Variants in INPP5D observed in about 807,000 individuals in gnomAD.
The protein encoded by INPP5D is inositol polyphosphate-5-phosphatase D.
In INPP5D, 33 loss-of-function variants were observed where a neutral mutation model predicts 122.9. The observed-to-expected ratio is 0.27, with a 90% CI of 0.20 to 0.36. INPP5D has a LOEUF of 0.36. Ranked by LOEUF, INPP5D falls within the 10% of genes least tolerant of loss-of-function variation. The pLI, the probability that INPP5D is intolerant of heterozygous loss-of-function variation, is 1.00. For missense variants in INPP5D, 1,053 were observed against 1,412.7 expected, an observed-to-expected ratio of 0.75 and a Z score of 4.08; for synonymous variants, 584 against 576.2, an observed-to-expected ratio of 1.01 and a Z score of -0.19.
intron 2 of INPP5D, among the ~76,000 whole-genome samples, chr2:233,099,464 G>A (rs953813338): frequency 6.6e-6 from 1 of 152,172 alleles, no homozygotes; most frequent in Non-Finnish European, 1.5e-5. Context: ...CAGCACAGAC[G>A]CCTATGTCTG....
intron 2 of INPP5D, among the ~76,000 whole-genome samples, chr2:233,104,954 C>T (rs1044545316): frequency 6.6e-6 from 1 of 152,162 alleles, no homozygotes; most frequent in African/African-American, 2.4e-5. Context: ...GGCCTGATCT[C>T]ACAGGAGCTG....
chr2:233,183,526 C>T lies in INPP5D; in HGVS notation c.2162-882C>T, dbSNP rs1023435076. 2.0e-5 allele frequency among the ~76,000 whole-genome samples: 3 copies of T among 152,192 alleles called. No homozygotes were observed. Among genetic ancestry groups the T allele is most frequent in the Non-Finnish European group, 2.9e-5 (2 of 68,034 alleles). On this transcript the variant is annotated intron_variant, in intron 19 of 26. Transcript: ENST00000445964. The surrounding 1 kb of genome is among the most constrained non-coding windows in gnomAD (Gnocchi z 4.6). The stretch of plus-strand genomic sequence containing the variant: ...CCTAGTCCTTAGGCAGGACCTCTTC[C>T]CCGACTTCCACCCATCTCTCCTTTC...
chr2:233,114,203 C>A (rs1279658944), intron 2 of INPP5D, among the ~76,000 whole-genome samples: 1 of 152,194 alleles, frequency 6.6e-6, no homozygotes, highest in African/African-American at 2.4e-5. Context: ...CCACCGCACC[C>A]AGCCAGCTCC....
At chr2:233,069,290 T>C (rs892711425) in intron 1 of INPP5D, among the ~76,000 whole-genome samples, 1 of 152,198 alleles carries the variant, frequency 6.6e-6, no homozygotes, top group Non-Finnish European at 1.5e-5. Context: ...ACCACACAGC[T>C]GTCAGTGGCA....
rs551021423 is a variant in INPP5D at position 233,123,432 on chromosome 2, A to T, written c.349+1175A>T. 4.6e-5 allele frequency among the ~76,000 whole-genome samples: 7 copies of T among 151,052 alleles called. No individual in the cohort carries two copies. In the South Asian group the frequency reaches 1.5e-3, roughly 32 times the overall value. The stretch of plus-strand genomic sequence containing the variant: ...TCGCACCACTGAACTCCAGCCTGGC[A>T]ACAGAGGGAGACTCCGTCTCAAAAA... On this transcript the variant is annotated intron_variant, in intron 3 of 26. Transcript: ENST00000445964.
intron 6 of INPP5D, 92 bp downstream of exon 6, chr2:233,140,021 G>T (rs1693599886): frequency 2.5e-6 from 1 of 393,244 alleles, no homozygotes; most frequent in Non-Finnish European, 4.5e-6. Context: ...GAAGAGGGGA[G>T]CACTGCCCAT....
At chr2:233,132,628 T>C (rs147400287) in intron 5 of INPP5D, among the ~76,000 whole-genome samples, 23 of 152,358 alleles carry the variant, frequency 1.5e-4, no homozygotes, top group African/African-American at 4.3e-4. Flanking sequence ...TGCTTCCCAT[T>C]TCTCCTGCCA....
chr2:233,097,399 G>A (rs1412668154), intron 2 of INPP5D, among the ~76,000 whole-genome samples: 1 of 152,212 alleles, frequency 6.6e-6, no homozygotes, highest in Non-Finnish European at 1.5e-5. Flanking sequence ...GCAATTACAT[G>A]TAATTAATAG....
At chr2:233,137,856 ATATATATATATATATATATATATATAT>A (rs1693520891) in intron 5 of INPP5D, among the ~76,000 whole-genome samples, 1 of 14,364 alleles carries the variant, frequency 7.0e-5, no homozygotes, top group Admixed American at 1.4e-3. Flanking sequence ...AAAAAAAAAT[ATATATATATATATATATATATATATAT>A]ATATATATAT....
rs1373412814 is a variant in INPP5D at position 233,197,933 on chromosome 2, C to T, written c.2694-162C>T. ...GAGGCCCTCAGTAATCACGGTGTTG[C>T]ATGGATAGATGAATGAATGAATGGA... On this transcript the variant is annotated intron_variant, in intron 24 of 26. Transcript: ENST00000445964. The surrounding 1 kb of genome is among the most constrained non-coding windows in gnomAD (Gnocchi z 4.4). Among the ~76,000 whole-genome samples, 1 of 152,110 alleles carries T rather than the reference C, an allele frequency of 6.6e-6. No homozygotes were observed. The highest frequency in any genetic ancestry group is 1.5e-5 in the Non-Finnish European group (1 of 68,006).
intron 2 of INPP5D, among the ~76,000 whole-genome samples, chr2:233,097,260 C>T (rs1275680388): frequency 1.3e-5 from 2 of 152,164 alleles, no homozygotes; most frequent in African/African-American, 4.8e-5. Flanking sequence ...TTGTGTGTTT[C>T]CTTATCTGGC....
intron 1 of INPP5D, among the ~76,000 whole-genome samples, chr2:233,074,676 C>T (rs1691469857): frequency 6.6e-6 from 1 of 151,790 alleles, no homozygotes; most frequent in Non-Finnish European, 1.5e-5. Flanking sequence ...CCATCTTGTC[C>T]AGAAATCTGC....
At chr2:233,081,386 C>A (rs114474821) in intron 2 of INPP5D, among the ~76,000 whole-genome samples, 396 of 152,252 alleles carry the variant, frequency 2.6e-3, no homozygotes, top group African/African-American at 9.2e-3. Flanking sequence ...AAAAGTTGGT[C>A]GATGCTTTTG....
At chr2:233,148,852 C>CT (rs1238081300) in intron 9 of INPP5D, among the ~76,000 whole-genome samples, 3 of 151,922 alleles carry the variant, frequency 2.0e-5, no homozygotes, top group Non-Finnish European at 2.9e-5. Flanking sequence ...GGCTACAACA[C>CT]TTTTTTTTAT....
rs7605022 is a variant in INPP5D at position 233,188,330 on chromosome 2, G to C, written c.2359-1520G>C. On this transcript the variant is annotated intron_variant, in intron 21 of 26. Coordinates refer to ENST00000445964, the MANE Select transcript of INPP5D (RefSeq NM_001017915.3). The surrounding 1 kb of genome is among the most constrained non-coding windows in gnomAD (Gnocchi z 4.7). The stretch of plus-strand genomic sequence containing the variant: ...CTAGATAGTTCTCCTCCCTGCCACC[G>C]CCTGCCAGGGTGGTGGTGTCGCACA... 0.17 allele frequency among the ~76,000 whole-genome samples: 25,898 copies of C among 151,800 alleles called. 3,694 individuals are homozygous for C. Among genetic ancestry groups the C allele is most frequent in the East Asian group, 0.38 (1,957 of 5,140 alleles).
At chr2:233,155,705 A>G (rs1694034663) in intron 9 of INPP5D, among the ~76,000 whole-genome samples, 1 of 152,014 alleles carries the variant, frequency 6.6e-6, no homozygotes, top group Non-Finnish European at 1.5e-5. Context: ...TCAAAATAAT[A>G]AGTGTCAGTA....
At chr2:233,110,218 A>AT (rs934806681) in intron 2 of INPP5D, among the ~76,000 whole-genome samples, 11 of 150,776 alleles carry the variant, frequency 7.3e-5, no homozygotes, top group African/African-American at 1.7e-4. Flanking sequence ...TGCCTGACTA[A>AT]TTTTTTTTGT....
chr2:233,086,137 C>CTTTCTTTCTTTA (rs1559282279), intron 2 of INPP5D, among the ~76,000 whole-genome samples: 1 of 134,302 alleles, frequency 7.4e-6, no homozygotes, highest in Non-Finnish European at 1.6e-5. Context: ...TTCTTTCTTT[C>CTTTCTTTCTTTA]TTTCTTTCTT....
chr2:233,198,261 G>A lies in INPP5D; in HGVS notation c.2860G>A (p.Gly954Arg). The change falls in exon 25 of 27, where the codon GGG becomes AGG. Residue 954 changes from glycine to arginine, a missense_variant. By Grantham distance (125) the Gly-to-Arg change is moderately radical (BLOSUM62 -2). Around this residue, in one of 6 missense-constraint regions of INPP5D, gnomAD observed 417 missense variants for 425.8 expected, o/e 0.98. Transcript: ENST00000445964. Reference sequence around the variant, plus strand: ...CCAGCCGCCCAAGGACTCCCCGCTGGGGCCCTGCAGGGGAGAAAGTCCTCC... The same window carrying A: ...CCAGCCGCCCAAGGACTCCCCGCTGAGGCCCTGCAGGGGAGAAAGTCCTCC... Reference protein sequence around the residue: ...YDQPPKDSPLGPCRGESPPTP... With the variant: ...YDQPPKDSPLRPCRGESPPTP... The A allele has an allele frequency of 6.2e-7, 1 of 1,613,480 alleles. No individual in the cohort carries two copies. Among genetic ancestry groups the A allele is most frequent in the Non-Finnish European group, 8.5e-7 (1 of 1,179,872 alleles).
Sources: allele counts gnomAD v4.1 joint callset (sites outside exome capture counted in the v4.1 genomes callset), GRCh38; gene constraint gnomAD v4.1.1; regional missense constraint gnomAD v4.1.1; non-coding constraint Gnocchi (gnomAD v3.1); transcripts MANE v1.5; gene names NCBI Gene and HGNC (gene_info 2026-07-23, HGNC 2026-07-21).